PDE7B: variants seen among roughly 807,000 people sequenced by gnomAD.
The protein encoded by PDE7B is 3',5'-cyclic-AMP phosphodiesterase 7B.
Under a neutral mutation model 56.2 loss-of-function variants are expected in PDE7B, and 29 were observed. The observed-to-expected ratio is 0.52, with a 90% CI of 0.38 to 0.70. The LOEUF (loss-of-function observed/expected upper bound fraction) is 0.70, where lower values mean the gene tolerates loss of function less well. PDE7B is among the 30% of genes least tolerant of loss of function. The pLI is 0.00. For missense variants in PDE7B, 490 were observed against 565.0 expected (o/e 0.87, Z 1.35); for synonymous variants, 197 against 196.9 (o/e 1.00, Z 0.00).
At chr6:135,924,357 T>A (rs1774144418) in intron 1 of PDE7B, among the ~76,000 whole-genome samples, 1 of 152,214 alleles carries the variant, frequency 6.6e-6, no homozygotes, top group South Asian at 2.1e-4. Flanking sequence ...CCCCACATTC[T>A]GCTCCCTCTA....
chr6:135,982,755 C>G (rs1368518554), intron 2 of PDE7B, among the ~76,000 whole-genome samples: 1 of 152,182 alleles, frequency 6.6e-6, no homozygotes, highest in Non-Finnish European at 1.5e-5. Flanking sequence ...TCCCAGAGAT[C>G]ATGAAGCCAT....
At chr6:136,001,313 G>A (rs369573062) in intron 2 of PDE7B, among the ~76,000 whole-genome samples, 13 of 151,480 alleles carry the variant, frequency 8.6e-5, no homozygotes, top group African/African-American at 2.2e-4. Flanking sequence ...CCAAAGGAAC[G>A]CAGTTCCTCA....
intron 2 of PDE7B, among the ~76,000 whole-genome samples, chr6:136,002,286 C>T (rs1019498601): frequency 1.3e-5 from 2 of 152,150 alleles, no homozygotes; most frequent in Non-Finnish European, 2.9e-5. Context: ...GAAGAAACTG[C>T]ATCAACTAAT....
intron 2 of PDE7B, among the ~76,000 whole-genome samples, chr6:136,005,562 C>T (rs1775766374): frequency 6.6e-6 from 1 of 152,230 alleles, no homozygotes; most frequent in South Asian, 2.1e-4. Flanking sequence ...ACAGACACTT[C>T]TCAAAAGAAG....
intron 1 of PDE7B, among the ~76,000 whole-genome samples, chr6:135,946,940 A>C (rs975364565): frequency 1.3e-5 from 2 of 152,086 alleles, no homozygotes; most frequent in Admixed American, 6.6e-5. Flanking sequence ...ATATTTCCGT[A>C]AGTCTGTGAG....
intron 2 of PDE7B, among the ~76,000 whole-genome samples, chr6:136,087,266 A>G (rs557311029): frequency 1.3e-5 from 2 of 152,344 alleles, no homozygotes; most frequent in South Asian, 2.1e-4. Flanking sequence ...ACCATCTGAT[A>G]TGGACCAGTC....
intron 2 of PDE7B, chr6:136,096,166 G>A (rs1583878420): frequency 6.6e-6 from 1 of 152,216 alleles, no homozygotes; most frequent in South Asian, 2.1e-4. Context: ...TGGTTGACTG[G>A]TCCTTCTCTG....
chr6:136,019,408 G>A (rs1776032328), intron 2 of PDE7B, among the ~76,000 whole-genome samples: 2 of 151,814 alleles, frequency 1.3e-5, no homozygotes, highest in South Asian at 4.2e-4. Context: ...AAAAGAAAAG[G>A]CCATCAAACT....
chr6:136,064,917 T>C (rs1776907960), intron 2 of PDE7B, among the ~76,000 whole-genome samples: 1 of 152,226 alleles, frequency 6.6e-6, no homozygotes, highest in African/African-American at 2.4e-5. Flanking sequence ...TGGCACTTGA[T>C]AGAGATGCTC....
chr6:136,078,001 G>C (rs1777150101), intron 2 of PDE7B, among the ~76,000 whole-genome samples: 1 of 152,182 alleles, frequency 6.6e-6, no homozygotes, highest in Non-Finnish European at 1.5e-5. Context: ...CTGCTGGAGG[G>C]AATGTTCAGT....
intron 2 of PDE7B, among the ~76,000 whole-genome samples, chr6:135,950,902 T>C (rs1324690031): frequency 1.3e-5 from 2 of 152,138 alleles, no homozygotes; most frequent in East Asian, 3.9e-4. Context: ...AGTGTAAAAT[T>C]CACCTCGAGT....
chr6:135,859,128 A>G (rs1417350113), intron 1 of PDE7B, among the ~76,000 whole-genome samples: 2 of 152,070 alleles, frequency 1.3e-5, no homozygotes, highest in Non-Finnish European at 2.9e-5. Context: ...CAGTTAGATG[A>G]AAGAACTCAG....
intron 2 of PDE7B, among the ~76,000 whole-genome samples, chr6:136,014,581 T>G (rs1259288407): frequency 6.6e-6 from 1 of 152,174 alleles, no homozygotes; most frequent in Non-Finnish European, 1.5e-5. Flanking sequence ...AGTTCTCTAT[T>G]CATTAGTTTT....
intron 2 of PDE7B, among the ~76,000 whole-genome samples, chr6:136,050,295 T>C (rs981605212): frequency 4.6e-5 from 7 of 152,172 alleles, no homozygotes; most frequent in African/African-American, 1.7e-4. Context: ...TACACACATT[T>C]TTCTTGTTTC....
intron 2 of PDE7B, among the ~76,000 whole-genome samples, chr6:136,001,791 G>C (rs1476858716): frequency 6.6e-6 from 1 of 152,130 alleles, no homozygotes; most frequent in East Asian, 1.9e-4. Flanking sequence ...ATATTATCCA[G>C]GAGAACTTCC....
intron 1 of PDE7B, among the ~76,000 whole-genome samples, chr6:135,853,477 A>G (rs1040783281): frequency 6.6e-6 from 1 of 152,180 alleles, no homozygotes; most frequent in African/African-American, 2.4e-5. Context: ...ATCTTTTATT[A>G]CTGGCTGGTG....
intron 1 of PDE7B, among the ~76,000 whole-genome samples, chr6:135,899,935 T>C (rs925012480): frequency 2.6e-5 from 4 of 152,174 alleles, no homozygotes; most frequent in Non-Finnish European, 5.9e-5. Context: ...TACTTCCTTA[T>C]ATAACTTCTG....
intron 2 of PDE7B, among the ~76,000 whole-genome samples, chr6:135,969,963 T>C (rs1262561363): frequency 6.6e-6 from 1 of 152,144 alleles, no homozygotes; most frequent in Non-Finnish European, 1.5e-5. Context: ...TAGCCAACAG[T>C]TGACAAGAGT....
At chr6:135,901,782 C>G (rs1270092585) in intron 1 of PDE7B, among the ~76,000 whole-genome samples, 2 of 152,160 alleles carry the variant, frequency 1.3e-5, no homozygotes, top group Non-Finnish European at 2.9e-5. Flanking sequence ...CACAAAATTC[C>G]TAGTTTTCAT....
Sources: allele counts gnomAD v4.1 joint callset (sites outside exome capture counted in the v4.1 genomes callset), GRCh38; gene constraint gnomAD v4.1.1; transcripts MANE v1.5; gene names NCBI Gene and HGNC (gene_info 2026-07-23, HGNC 2026-07-21).